COL23A1: variants seen among roughly 807,000 people sequenced by gnomAD.
The protein encoded by COL23A1 is collagen type XXIII alpha 1 chain, also known as collagen alpha-1(XXIII) chain.
COL23A1 carries 97 observed loss-of-function variants against 99.3 expected under a neutral mutation model. The observed-to-expected ratio is 0.98, with a 90% CI of 0.83 to 1.16. COL23A1 has a LOEUF of 1.16. Among genes scored for constraint, COL23A1 ranks in the 50% most tolerant of loss-of-function variants. The pLI, the probability that COL23A1 is intolerant of heterozygous loss-of-function variation, is 0.00. For synonymous variants in COL23A1, 320 were observed against 308.2 expected, an observed-to-expected ratio of 1.04 and a Z score of -0.40; for missense variants, 762 against 757.4, an observed-to-expected ratio of 1.01 and a Z score of -0.07.
At chr5:178,556,662 A>T (rs992658794) in intron 2 of COL23A1, among the ~76,000 whole-genome samples, 34 of 150,346 alleles carry the variant, frequency 2.3e-4, no homozygotes, top group South Asian at 4.2e-4. Context: ...AAAATAAAAT[A>T]AAATAAAAAA....
chr5:178,337,066 T>C (rs1211318970), intron 2 of COL23A1, among the ~76,000 whole-genome samples: 2 of 152,198 alleles, frequency 1.3e-5, no homozygotes, highest in Non-Finnish European at 2.9e-5. Context: ...CTGCCCCCTA[T>C]TGGAATTCGA....
chr5:178,256,343 G>A lies in COL23A1; in HGVS notation c.882+10C>T, dbSNP rs374699829. The A allele has an allele frequency of 6.3e-5, 100 of 1,595,654 alleles. No individual in the cohort carries two copies. The highest frequency in any genetic ancestry group is 8.0e-5 in the Non-Finnish European group (93 of 1,169,392). ...ATCCCTGAGGCCTCGCCTGAGGGGC[G>A]GCAGCTTACCCGGGGCCCTGCAGCT... On this transcript the variant is annotated intron_variant, in intron 15 of 28. Coordinates refer to ENST00000390654, the MANE Select transcript of COL23A1 (RefSeq NM_173465.4).
At chr5:178,532,225 A>G (rs1760688952) in intron 2 of COL23A1, among the ~76,000 whole-genome samples, 1 of 152,244 alleles carries the variant, frequency 6.6e-6, no homozygotes, top group African/African-American at 2.4e-5. Context: ...TGACTTAATC[A>G]GGTTATTCCT....
chr5:178,298,004 C>T (rs1757837304), intron 3 of COL23A1, among the ~76,000 whole-genome samples: 1 of 152,170 alleles, frequency 6.6e-6, no homozygotes, highest in African/African-American at 2.4e-5. Flanking sequence ...GCTTAGAAAG[C>T]GAGCTGGCTG....
At chr5:178,533,312 C>A (rs1454546071) in intron 2 of COL23A1, among the ~76,000 whole-genome samples, 1 of 152,212 alleles carries the variant, frequency 6.6e-6, no homozygotes, top group East Asian at 1.9e-4. Flanking sequence ...AGAACGTTTT[C>A]ATCATCCACA....
chr5:178,241,762 G>T (rs1390192591), intron 27 of COL23A1, among the ~76,000 whole-genome samples: 1 of 152,258 alleles, frequency 6.6e-6, no homozygotes, highest in African/African-American at 2.4e-5. Context: ...CTCAAGCCAG[G>T]CCTGTCCTGG....
At chr5:178,455,085 C>A (rs1448397071) in intron 2 of COL23A1, among the ~76,000 whole-genome samples, 2 of 152,252 alleles carry the variant, frequency 1.3e-5, no homozygotes, top group African/African-American at 4.8e-5. Context: ...GGATTAAGGA[C>A]CTGCTCCCCT....
intron 2 of COL23A1, among the ~76,000 whole-genome samples, chr5:178,417,230 T>C (rs1765360353): frequency 6.6e-6 from 1 of 152,096 alleles, no homozygotes; most frequent in Non-Finnish European, 1.5e-5. Context: ...ACAACACACA[T>C]GCATCTGTTC....
At chr5:178,432,166 A>C (rs1303839626) in intron 2 of COL23A1, among the ~76,000 whole-genome samples, 1 of 152,214 alleles carries the variant, frequency 6.6e-6, no homozygotes, top group East Asian at 1.9e-4. Flanking sequence ...CTTCAAGGTA[A>C]CTTATAGAAC....
chr5:178,538,880 A>C (rs565629813), intron 2 of COL23A1, among the ~76,000 whole-genome samples: 8 of 152,372 alleles, frequency 5.3e-5, no homozygotes, highest in African/African-American at 1.7e-4. Context: ...ACAACAGAAC[A>C]TTACTCAGCC....
chr5:178,397,238 G>C (rs144097243), intron 2 of COL23A1, among the ~76,000 whole-genome samples: 1 of 152,158 alleles, frequency 6.6e-6, no homozygotes, highest in Non-Finnish European at 1.5e-5. Flanking sequence ...TCAGCACTTC[G>C]GATACACCGG....
chr5:178,259,565 G>A (rs1235195179), intron 12 of COL23A1, among the ~76,000 whole-genome samples, 156 bp downstream of exon 12: 1 of 152,210 alleles, frequency 6.6e-6, no homozygotes, highest in Non-Finnish European at 1.5e-5. Context: ...CCTGCAGTGA[G>A]GGCTCAGGGC....
intron 2 of COL23A1, among the ~76,000 whole-genome samples, chr5:178,463,277 A>T (rs935230597): frequency 2.6e-5 from 4 of 152,242 alleles, no homozygotes; most frequent in Non-Finnish European, 4.4e-5. Flanking sequence ...AAAATAAATA[A>T]GCATTTTTGA....
At chr5:178,369,013 T>C (rs1300600713) in intron 2 of COL23A1, among the ~76,000 whole-genome samples, 1 of 152,208 alleles carries the variant, frequency 6.6e-6, no homozygotes, top group East Asian at 1.9e-4. Context: ...CTTCAAGGTT[T>C]AGCAAGCTCC....
chr5:178,290,877 G>A (rs1201576616), intron 3 of COL23A1, among the ~76,000 whole-genome samples: 1 of 152,164 alleles, frequency 6.6e-6, no homozygotes, highest in Non-Finnish European at 1.5e-5. Context: ...GCAGGGCCTG[G>A]GGCTGCAGCT....
chr5:178,508,375 A>C (rs1758996633), intron 2 of COL23A1, among the ~76,000 whole-genome samples: 2 of 152,178 alleles, frequency 1.3e-5, no homozygotes. Context: ...TTTTTCTTTT[A>C]ATCCAAGGTG....
At chr5:178,490,097 G>T (rs192155647) in intron 2 of COL23A1, among the ~76,000 whole-genome samples, 1 of 152,174 alleles carries the variant, frequency 6.6e-6, no homozygotes, top group East Asian at 1.9e-4. Flanking sequence ...TTAGCTGGGT[G>T]TGGTGGTGGG....
At chr5:178,455,982 GA>G (rs1767768968) in intron 2 of COL23A1, among the ~76,000 whole-genome samples, 1 of 152,202 alleles carries the variant, frequency 6.6e-6, no homozygotes, top group African/African-American at 2.4e-5. Context: ...AAAGGGACTT[GA>G]GTTGTTAAGG....
intron 2 of COL23A1, among the ~76,000 whole-genome samples, chr5:178,315,090 C>T (rs778162688): frequency 1.7e-4 from 26 of 152,146 alleles, no homozygotes; most frequent in Admixed American, 7.2e-4. Context: ...CATAGCATGC[C>T]CTCCTTGTGC....
Sources: gnomAD v4.1 joint callset for allele counts (sites outside exome capture counted in the v4.1 genomes callset) on GRCh38, gnomAD v4.1.1 for gene constraint, MANE v1.5 for transcripts, NCBI Gene and HGNC (gene_info 2026-07-23, HGNC 2026-07-21) for gene names.